The following ATP1A4 variants were observed in gnomAD, a reference collection of about 807,000 sequenced individuals.
ATP1A4 encodes sodium/potassium-transporting ATPase subunit alpha-4.
A neutral mutation model predicts 114.3 loss-of-function variants in ATP1A4; 90 were observed. The ratio of observed to expected loss-of-function variants is 0.79; its 90% confidence interval spans 0.66 to 0.94. The LOEUF (loss-of-function observed/expected upper bound fraction) is 0.94, where lower values mean the gene tolerates loss of function less well. ATP1A4 is among the 40% of genes least tolerant of loss of function. The pLI, the probability that ATP1A4 is intolerant of heterozygous loss-of-function variation, is 0.00. For missense variants in ATP1A4, 1,222 were observed against 1,313.6 expected (o/e 0.93, Z 1.08); for synonymous variants, 511 against 494.1 (o/e 1.03, Z -0.45).
chr1:160,152,203 G>C lies in ATP1A4; in HGVS notation c.147+16G>C. 1 of 1,611,038 alleles carries C rather than the reference G, an allele frequency of 6.2e-7. No homozygotes were observed. Among genetic ancestry groups the C allele is most frequent in the Non-Finnish European group, 8.5e-7 (1 of 1,179,214 alleles). ...AGTGGTCATGGTGAGGCCACCCAAA[G>C]TGGGCGCTGACAGCTGCCCTCTGAA... On this transcript the variant is annotated intron_variant, in intron 1 of 21. Transcript: ENST00000368081.
chr1:160,181,676 G>C lies in ATP1A4; in HGVS notation c.2737-8G>C. The C allele has an allele frequency of 1.2e-6, 2 of 1,614,002 alleles. No individual in the cohort carries two copies. Among genetic ancestry groups the C allele is most frequent in the Non-Finnish European group, 8.5e-7 (1 of 1,179,962 alleles). On this transcript the variant is annotated splice_region_variant and splice_polypyrimidine_tract_variant and intron_variant, in intron 18 of 21. Coordinates refer to ENST00000368081, the MANE Select transcript of ATP1A4 (RefSeq NM_144699.4). ...TGACACTGTTTCCTCTCTCCCTGCT[G>C]TCTCTAGACCTATGAGCAACGAAAA...
chr1:160,172,524 A>G (rs1203434173), intron 12 of ATP1A4, among the ~76,000 whole-genome samples: 1 of 152,152 alleles, frequency 6.6e-6, no homozygotes, highest in East Asian at 1.9e-4. Context: ...TGGGCCTTGA[A>G]CTTCATGGGA....
intron 20 of ATP1A4, among the ~76,000 whole-genome samples, chr1:160,184,801 C>T (rs543412283): frequency 6.6e-6 from 1 of 152,286 alleles, no homozygotes; most frequent in South Asian, 2.1e-4. Context: ...CAACTGCTGT[C>T]CTGATTCAAC....
chr1:160,158,155 T>G (rs1156359752), intron 4 of ATP1A4, among the ~76,000 whole-genome samples: 1 of 152,192 alleles, frequency 6.6e-6, no homozygotes, highest in Non-Finnish European at 1.5e-5. Flanking sequence ...AATAGCAAGC[T>G]CCTGTTTCTC....
At chr1:160,175,520 T>G (rs2101648758) in intron 15 of ATP1A4, among the ~76,000 whole-genome samples, 1 of 152,000 alleles carries the variant, frequency 6.6e-6, no homozygotes. Context: ...GTAACTTAAT[T>G]TCTAGTGGGG....
chr1:160,168,690 T>C (rs1479242807), intron 10 of ATP1A4, among the ~76,000 whole-genome samples: 2 of 152,150 alleles, frequency 1.3e-5, no homozygotes, highest in African/African-American at 4.8e-5. Context: ...GGCCTCTATA[T>C]AAATTTTTTT....
intron 6 of ATP1A4, 130 bp from the exon 7 acceptor site, chr1:160,164,026 A>C (rs905253690): frequency 1.5e-5 from 18 of 1,211,836 alleles, no homozygotes; most frequent in Non-Finnish European, 1.6e-5. Flanking sequence ...ATTAGAACAA[A>C]AGATTCTCCT....
In ATP1A4 at chr1:160,165,762, T is replaced by C. The variant is rs190425307; in HGVS notation, c.1048-766T>C. Among the ~76,000 whole-genome samples, 164 of 152,304 alleles carry C rather than the reference T, an allele frequency of 1.1e-3. 2 individuals are homozygous for C. In the East Asian group the frequency reaches 0.028, roughly 26 times the overall value. On this transcript the variant is annotated intron_variant, in intron 7 of 21. Transcript: ENST00000368081. ...CGTCTCGAGAAAAAAAAAGAACTATTGGTCCAACACCCCCTCCACACCTAG... is the reference window on the plus strand; with the variant it reads ...CGTCTCGAGAAAAAAAAAGAACTATCGGTCCAACACCCCCTCCACACCTAG...
chr1:160,176,509 G>T lies in ATP1A4; in HGVS notation c.2497G>T (p.Ala833Ser), dbSNP rs1653469571. The T allele has an allele frequency of 1.9e-6, 3 of 1,614,198 alleles. No individual in the cohort carries two copies. The highest frequency in any genetic ancestry group is 2.7e-5 in the African/African-American group (2 of 75,052). The change falls in exon 17 of 22, where the codon GCT becomes TCT. Residue 833 changes from alanine to serine, a missense_variant. Coordinates refer to ENST00000368081, the MANE Select transcript of ATP1A4 (RefSeq NM_144699.4). ...VPAISLAYES[A>S]ESDIMKRLPR... The stretch of plus-strand genomic sequence containing the variant: ...TGCCATCTCCTTGGCTTATGAGTCA[G>T]CTGAAAGCGACATCATGAAGAGGCT...
chr1:160,174,878 G>A, intron 15 of ATP1A4, 131 bp downstream of exon 15: 1 of 1,430,224 alleles, frequency 7.0e-7, no homozygotes, highest in Non-Finnish European at 9.3e-7. Flanking sequence ...GAAAATCACT[G>A]TAAGACAAAA....
At chr1:160,167,183 C>T in intron 9 of ATP1A4, 95 bp from the exon 10 acceptor site, 1 of 1,559,772 alleles carries the variant, frequency 6.4e-7, no homozygotes, top group Non-Finnish European at 8.8e-7. Context: ...AGGTACCCGC[C>T]CTCCCCATTT....
At chr1:160,159,924 A>G (rs531145753) in intron 6 of ATP1A4, among the ~76,000 whole-genome samples, 12 of 152,318 alleles carry the variant, frequency 7.9e-5, no homozygotes, top group African/African-American at 2.9e-4. Flanking sequence ...GTAAGCCCTA[A>G]CTTCTAACTA....
chr1:160,183,041 G>A (rs915683608), intron 20 of ATP1A4: 9 of 152,296 alleles, frequency 5.9e-5, no homozygotes, highest in African/African-American at 9.6e-5. Context: ...TGTTTTACAC[G>A]ATGTTTTATA....
At chr1:160,170,942 T>C in intron 10 of ATP1A4, 1 of 256,856 alleles carries the variant, frequency 3.9e-6, no homozygotes, top group Non-Finnish European at 7.4e-6. Flanking sequence ...GCCCCACTAT[T>C]TCTGCTCTCT....
At position 160,186,367 on chromosome 1, in the gene ATP1A4, G is replaced by T; in HGVS notation, c.3061G>T (p.Gly1021Cys). The change falls in exon 21 of 22, where the codon GGC (glycine) becomes TGC (cysteine). Residue 1021 changes from glycine to cysteine, a missense_variant and splice_region_variant. Transcript: ENST00000368081. Reference sequence around the variant, plus strand: ...ACTCCTCATCCGTCAGCACCCGGATGGTGAGGCTCCCCTGGGCCCCGCTCT... The same window carrying T: ...ACTCCTCATCCGTCAGCACCCGGATTGTGAGGCTCCCCTGGGCCCCGCTCT... ...RKLLIRQHPD[G>C]WVERETYY is the part of the protein sequence containing the mutation. The T allele has an allele frequency of 6.2e-7, 1 of 1,611,088 alleles. No homozygotes were observed.
chr1:160,185,623 T>A (rs1047844397), intron 20 of ATP1A4, among the ~76,000 whole-genome samples: 55 of 151,564 alleles, frequency 3.6e-4, no homozygotes, highest in Non-Finnish European at 7.4e-5. Flanking sequence ...CCATCTCTCC[T>A]AAAAATACAA....
In ATP1A4 at chr1:160,176,100, A is replaced by T; in HGVS notation, c.2320A>T (p.Ile774Phe). The T allele has an allele frequency of 6.2e-7, 1 of 1,613,990 alleles. No homozygotes were observed. The highest frequency in any genetic ancestry group is 1.1e-5 in the South Asian group (1 of 91,066). Reference protein sequence around the residue: ...IVTGVEEGRLIFDNLKKSIMY... With the variant: ...IVTGVEEGRLFFDNLKKSIMY... ...TTGACCTTCCTCCCCAGGCCGCCTG[A>T]TCTTTGACAACCTGAAGAAATCCAT... Residue 774 changes from isoleucine to phenylalanine, a missense_variant, in exon 16 of 22, where the codon ATC becomes TTC. Ile to Phe is a conservative substitution (Grantham distance 21, BLOSUM62 0). Coordinates refer to ENST00000368081, the MANE Select transcript of ATP1A4 (RefSeq NM_144699.4).
At position 160,167,275 on chromosome 1, in the gene ATP1A4, C is replaced by A; in HGVS notation, c.1357-3C>A. The A allele has an allele frequency of 3.7e-6, 6 of 1,600,190 alleles. No homozygotes were observed. Among genetic ancestry groups the A allele is most frequent in the Non-Finnish European group, 5.1e-6 (6 of 1,174,404 alleles). On this transcript the variant is annotated splice_region_variant and splice_polypyrimidine_tract_variant and intron_variant, in intron 9 of 21. Coordinates refer to ENST00000368081, the MANE Select transcript of ATP1A4 (RefSeq NM_144699.4). ...GCTTACTATACAAACCCCATCCTGGCAGAGGGCCACAACAGGTGATGCTTC... is the reference window on the plus strand; with the variant it reads ...GCTTACTATACAAACCCCATCCTGGAAGAGGGCCACAACAGGTGATGCTTC...
intron 20 of ATP1A4, among the ~76,000 whole-genome samples, chr1:160,183,944 T>C (rs12119168): frequency 6.7e-6 from 1 of 149,702 alleles, no homozygotes; most frequent in Non-Finnish European, 1.5e-5. Context: ...AAATATCTTA[T>C]TGATAATGCT....
Sources: allele counts gnomAD v4.1 joint callset (sites outside exome capture counted in the v4.1 genomes callset), GRCh38; gene constraint gnomAD v4.1.1; transcripts MANE v1.5; gene names NCBI Gene and HGNC (gene_info 2026-07-23, HGNC 2026-07-21).